MYO1D: variants seen among roughly 807,000 people sequenced by gnomAD.
MYO1D encodes myosin ID.
Under a neutral mutation model 122.0 loss-of-function variants are expected in MYO1D, and 83 were observed. That is an observed-to-expected ratio of 0.68 (90% CI 0.57 to 0.82). The LOEUF is 0.82. Ranked by LOEUF, MYO1D falls within the 40% of genes least tolerant of loss-of-function variation. MYO1D has a pLI of 0.00. For missense variants in MYO1D, 1,157 were observed against 1,269.5 expected (o/e 0.91, Z 1.35); for synonymous variants, 464 against 446.9 (o/e 1.04, Z -0.48).
intron 1 of MYO1D, among the ~76,000 whole-genome samples, chr17:32,864,937 T>TA (rs1008686561): frequency 7.2e-5 from 11 of 152,052 alleles, no homozygotes; most frequent in Admixed American, 2.6e-4. Flanking sequence ...TGAATGCAAT[T>TA]AAAAAAAACA....
chr17:32,833,584 C>A (rs1462147879), intron 1 of MYO1D, among the ~76,000 whole-genome samples: 3 of 152,198 alleles, frequency 2.0e-5, no homozygotes, highest in African/African-American at 7.2e-5. Context: ...TCCAATGGCA[C>A]CCCAGGAAAA....
rs550642208 is a variant in MYO1D at position 32,865,395 on chromosome 17, C to T, written c.95+11383G>A. 5.3e-5 allele frequency among the ~76,000 whole-genome samples: 8 copies of T among 152,242 alleles called. No individual in the cohort carries two copies. In the South Asian group the frequency reaches 1.4e-3, roughly 28 times the overall value. On this transcript the variant is annotated intron_variant, in intron 1 of 21. Transcript: ENST00000318217. ...CATTTTTTTTTGACAAATTCATTTGCTTCTTCTGCATATGTGAACCTTGTG... is the reference window on the plus strand; with the variant it reads ...CATTTTTTTTTGACAAATTCATTTGTTTCTTCTGCATATGTGAACCTTGTG...
rs144879751 is a variant in MYO1D at position 32,556,403 on chromosome 17, C to T, written c.2864+48684G>A. Among the ~76,000 whole-genome samples the T allele has an allele frequency of 3.1e-3, 468 of 152,236 alleles. 2 individuals carry two copies. Among genetic ancestry groups the T allele is most frequent in the African/African-American group, 0.011 (452 of 41,530 alleles). On this transcript the variant is annotated intron_variant, in intron 21 of 21. Transcript: ENST00000318217. ...GCTCTGAATGAATGGGTGAGTGGGG[C>T]TCCTGAGGGCTCGAAGTGGGTGGAG...
intron 1 of MYO1D, among the ~76,000 whole-genome samples, chr17:32,860,536 G>A (rs979669863): frequency 1.3e-5 from 2 of 152,156 alleles, no homozygotes; most frequent in Admixed American, 6.5e-5. Flanking sequence ...TTGTTAAATT[G>A]TTGCCCTTCA....
intron 21 of MYO1D, among the ~76,000 whole-genome samples, chr17:32,554,101 C>G (rs2150886323): frequency 6.6e-6 from 1 of 152,310 alleles, no homozygotes; most frequent in South Asian, 2.1e-4. Context: ...TCACCTACAG[C>G]CATTCAGTTG....
chr17:32,659,282 T>C lies in MYO1D; in HGVS notation c.2178A>G (p.Thr726=), dbSNP rs770640985. The change falls in exon 17 of 22, where the codon ACA becomes ACG. Residue 726 remains threonine, a synonymous_variant. Transcript: ENST00000318217. ...MRYKRTKAAL[T]IIRYYRRYKV... ...TGTAGCGCCGGTAGTACCTGATTAT[T>C]GTCAGAGCTGCCTTGGTTCTTTTGT... 3.0e-5 allele frequency: 48 copies of C among 1,614,216 alleles called. No homozygotes were observed. The highest frequency in any genetic ancestry group is 4.0e-5 in the Non-Finnish European group (47 of 1,180,028).
At chr17:32,545,589 A>T (rs2086959065) in intron 21 of MYO1D, among the ~76,000 whole-genome samples, 2 of 152,188 alleles carry the variant, frequency 1.3e-5, no homozygotes, top group African/African-American at 4.8e-5. Context: ...TCCCTAGTTA[A>T]TTGATCAGCC....
chr17:32,730,587 TC>T (rs2089626843), intron 14 of MYO1D, among the ~76,000 whole-genome samples: 1 of 152,210 alleles, frequency 6.6e-6, no homozygotes, highest in African/African-American at 2.4e-5. Context: ...AAAAATGTAT[TC>T]CCTGGGTATA....
intron 16 of MYO1D, among the ~76,000 whole-genome samples, chr17:32,660,882 T>C (rs1300522206): frequency 1.3e-5 from 2 of 152,158 alleles, no homozygotes; most frequent in African/African-American, 4.8e-5. Context: ...AAAATACAAT[T>C]ACAGGGTGAA....
At chr17:32,608,005 G>A (rs562600098) in intron 20 of MYO1D, among the ~76,000 whole-genome samples, 11 of 152,222 alleles carry the variant, frequency 7.2e-5, no homozygotes, top group African/African-American at 2.2e-4. Flanking sequence ...CTATAAGATC[G>A]AAATGCAAAA....
chr17:32,795,639 C>T (rs1318517823), intron 1 of MYO1D, among the ~76,000 whole-genome samples: 2 of 152,112 alleles, frequency 1.3e-5, no homozygotes, highest in African/African-American at 2.4e-5. Context: ...GTAAGATTCT[C>T]CCCGGGGCCT....
At chr17:32,769,608 GATT>G (rs2090094017) in intron 6 of MYO1D, among the ~76,000 whole-genome samples, 1 of 151,956 alleles carries the variant, frequency 6.6e-6, no homozygotes, top group Non-Finnish European at 1.5e-5. Context: ...TGCATGGAAA[GATT>G]ATAATAAAAA....
At chr17:32,858,352 A>T (rs1156824792) in intron 1 of MYO1D, among the ~76,000 whole-genome samples, 4 of 152,250 alleles carry the variant, frequency 2.6e-5, no homozygotes, top group Non-Finnish European at 4.4e-5. Context: ...GCCCCAATAA[A>T]TGTCCCTTAT....
At chr17:32,700,485 G>A (rs1167398965) in intron 16 of MYO1D, among the ~76,000 whole-genome samples, 1 of 152,208 alleles carries the variant, frequency 6.6e-6, no homozygotes, top group Non-Finnish European at 1.5e-5. Context: ...TACAGCAGAA[G>A]CAGATCCACA....
At chr17:32,523,790 CAAA>C (rs34905929) in intron 21 of MYO1D, among the ~76,000 whole-genome samples, 16 of 91,656 alleles carry the variant, frequency 1.7e-4, no homozygotes, top group East Asian at 1.3e-3. Flanking sequence ...GACCCTGTCT[CAAA>C]AAAAAAAAAA....
intron 21 of MYO1D, among the ~76,000 whole-genome samples, chr17:32,532,723 CAA>C (rs71144833): frequency 0.045 from 4,471 of 99,668 alleles, 111 homozygotes; most frequent in African/African-American, 0.12. Context: ...GACTCCGTCT[CAA>C]AAAAAAAAAA....
At chr17:32,847,856 C>G (rs758310390) in intron 1 of MYO1D, among the ~76,000 whole-genome samples, 2 of 152,092 alleles carry the variant, frequency 1.3e-5, no homozygotes, top group Non-Finnish European at 2.9e-5. Context: ...ATGGCTCAAA[C>G]CAAAGAAAGC....
At chr17:32,732,003 A>C (rs2089646170) in intron 14 of MYO1D, among the ~76,000 whole-genome samples, 1 of 152,240 alleles carries the variant, frequency 6.6e-6, no homozygotes, top group Non-Finnish European at 1.5e-5. Context: ...AGCAAAGTTG[A>C]GGCTGAGCCT....
chr17:32,656,583 T>C (rs1207867116), intron 17 of MYO1D, among the ~76,000 whole-genome samples: 4 of 152,194 alleles, frequency 2.6e-5, no homozygotes, highest in South Asian at 4.1e-4. Context: ...CACATGTTGG[T>C]CAGAGATAGT....
Sources: allele counts gnomAD v4.1 joint callset (sites outside exome capture counted in the v4.1 genomes callset), GRCh38; gene constraint gnomAD v4.1.1; transcripts MANE v1.5; gene names NCBI Gene and HGNC (gene_info 2026-07-23, HGNC 2026-07-21).